CES5A: variants seen among roughly 807,000 people sequenced by gnomAD.
The protein encoded by CES5A is carboxylesterase 5A, also known as carboxylesterase 5.
A neutral mutation model predicts 62.9 loss-of-function variants in CES5A; 67 were observed. The ratio of observed to expected loss-of-function variants is 1.07; its 90% CI spans 0.88 to 1.31. CES5A has a LOEUF of 1.31. Ranked by LOEUF, CES5A falls within the 50% of genes most tolerant of loss-of-function variation. The pLI is 0.00. For missense variants in CES5A, 748 were observed against 708.5 expected (o/e 1.06, Z -0.63); for synonymous variants, 296 against 280.8 (o/e 1.05, Z -0.54).
intron 11 of CES5A, among the ~76,000 whole-genome samples, chr16:55,847,054 A>G (rs1236992426): frequency 6.6e-6 from 1 of 152,138 alleles, no homozygotes; most frequent in Admixed American, 6.5e-5. Flanking sequence ...TGGAAGCTGA[A>G]CACACATCTT....
At chr16:55,848,183 T>C (rs1308333918) in intron 11 of CES5A, among the ~76,000 whole-genome samples, 6 of 152,184 alleles carry the variant, frequency 3.9e-5, no homozygotes, top group African/African-American at 1.4e-4. Flanking sequence ...CACAGCTCAC[T>C]GCAGCCTCGA....
At chr16:55,899,789 C>G (rs2033971868) in intron 1 of CES5A, among the ~76,000 whole-genome samples, 1 of 152,118 alleles carries the variant, frequency 6.6e-6, no homozygotes, top group African/African-American at 2.4e-5. Flanking sequence ...AGGGCAGCCT[C>G]CCACTATTAA....
chr16:55,871,525 A>T, intron 3 of CES5A, 100 bp downstream of exon 3: 1 of 1,360,136 alleles, frequency 7.4e-7, no homozygotes, highest in Non-Finnish European at 1.0e-6. Context: ...CTTTTACCCA[A>T]CAGGGGGTAG....
chr16:55,860,163 T>C (rs1252423154), intron 7 of CES5A, among the ~76,000 whole-genome samples: 1 of 152,170 alleles, frequency 6.6e-6, no homozygotes, highest in Non-Finnish European at 1.5e-5. Flanking sequence ...GCTTTTTTTT[T>C]GCCCACCACC....
chr16:55,940,102 A>G (rs2034431180), intron 2 of CES5A, among the ~76,000 whole-genome samples: 1 of 152,070 alleles, frequency 6.6e-6, no homozygotes, highest in Non-Finnish European at 1.5e-5. Context: ...AAGATCTCAA[A>G]TCAGCCATCT....
intron 1 of CES5A, among the ~76,000 whole-genome samples, chr16:55,890,730 G>A (rs1430687243): frequency 6.6e-6 from 1 of 151,654 alleles, no homozygotes; most frequent in East Asian, 1.9e-4. Context: ...TTCTTATCTT[G>A]CCCAAATATC....
At chr16:55,947,895 G>A (rs1239981089) in intron 2 of CES5A, among the ~76,000 whole-genome samples, 1 of 150,800 alleles carries the variant, frequency 6.6e-6, no homozygotes, top group Non-Finnish European at 1.5e-5. Flanking sequence ...GAAGGGCTGG[G>A]AGTTTTGATT....
chr16:55,875,267 C>A lies in CES5A; in HGVS notation c.-46G>T. On this transcript the variant is annotated 5_prime_UTR_variant, in exon 1 of 13. Transcript: ENST00000290567. ...TGTGAACATTGACGGCGGCTGCTGG[C>A]CTCAGAGAGCTTCAGTTGGGAGCCA... 1 of 1,597,522 alleles carries A rather than the reference C, an allele frequency of 6.3e-7. No homozygotes were observed.
intron 1 of CES5A, among the ~76,000 whole-genome samples, chr16:55,950,708 A>T (rs956330646): frequency 6.6e-6 from 1 of 151,178 alleles, no homozygotes; most frequent in Non-Finnish European, 1.5e-5. Context: ...TGAGGCAAAG[A>T]AAAAAAAACC....
At chr16:55,922,857 G>A (rs1409932578) in intron 1 of CES5A, among the ~76,000 whole-genome samples, 1 of 151,744 alleles carries the variant, frequency 6.6e-6, no homozygotes, top group African/African-American at 2.4e-5. Flanking sequence ...TGATGACATG[G>A]AGTAAAATTA....
intron 1 of CES5A, among the ~76,000 whole-genome samples, chr16:55,906,699 G>A (rs1039175413): frequency 2.0e-5 from 3 of 152,214 alleles, no homozygotes; most frequent in Non-Finnish European, 2.9e-5. Flanking sequence ...TCCCAGGGGA[G>A]CTGGAGAAGA....
chr16:55,898,478 C>A (rs1405112470), intron 1 of CES5A, among the ~76,000 whole-genome samples: 1 of 151,984 alleles, frequency 6.6e-6, no homozygotes, highest in Non-Finnish European at 1.5e-5. Context: ...AAAATAAAAG[C>A]AAATAACCCC....
At position 55,851,213 on chromosome 16, in the gene CES5A, C is replaced by T. The variant is rs138904792; in HGVS notation, c.1274-1440G>A. Among the ~76,000 whole-genome samples, 1,137 of 152,130 alleles carry T rather than the reference C, an allele frequency of 7.5e-3. 13 individuals are homozygous for T. Among genetic ancestry groups the T allele is most frequent in the Non-Finnish European group, 0.012 (841 of 67,976 alleles). On this transcript the variant is annotated intron_variant, in intron 10 of 12. Transcript: ENST00000290567. ...AGAGTAAGAAGGCAACCCGGCAACC[C>T]ACAGAATGGGAGAAAATATTTGCAA...
chr16:55,852,612 C>G (rs147762276), intron 10 of CES5A, among the ~76,000 whole-genome samples: 385 of 152,242 alleles, frequency 2.5e-3, no homozygotes, highest in South Asian at 0.023. Context: ...TTGGGGATGG[C>G]GCCCAGAAAA....
chr16:55,875,079 A>T, intron 1 of CES5A, 70 bp downstream of exon 1: 1 of 1,461,042 alleles, frequency 6.8e-7, no homozygotes, highest in Non-Finnish European at 9.6e-7. Context: ...GAATAACTTC[A>T]TTTCTACCAG....
intron 11 of CES5A, among the ~76,000 whole-genome samples, chr16:55,847,743 A>C (rs766681005): frequency 2.6e-5 from 4 of 152,212 alleles, no homozygotes; most frequent in Admixed American, 6.5e-5. Flanking sequence ...AAAAACATTT[A>C]TATGCAATCA....
intron 1 of CES5A, among the ~76,000 whole-genome samples, chr16:55,952,402 G>A (rs561023064): frequency 3.2e-4 from 48 of 149,330 alleles, no homozygotes; most frequent in Middle Eastern, 3.4e-3. Context: ...GAAATTAGAG[G>A]AAGATATTAA....
chr16:55,847,856 A>G (rs1243986659), intron 11 of CES5A, among the ~76,000 whole-genome samples: 2 of 152,240 alleles, frequency 1.3e-5, no homozygotes, highest in Non-Finnish European at 2.9e-5. Flanking sequence ...GTATAATTAC[A>G]CAAAAACACT....
At chr16:55,855,822 T>C (rs1597113062) in intron 9 of CES5A, among the ~76,000 whole-genome samples, 1 of 152,100 alleles carries the variant, frequency 6.6e-6, no homozygotes, top group Non-Finnish European at 1.5e-5. Context: ...ACTATTGATA[T>C]AGTTTCGACC....
Sources: gnomAD v4.1 joint callset for allele counts (sites outside exome capture counted in the v4.1 genomes callset) on GRCh38, gnomAD v4.1.1 for gene constraint, MANE v1.5 for transcripts, NCBI Gene and HGNC (gene_info 2026-07-23, HGNC 2026-07-21) for gene names.